The following UST variants were observed in gnomAD, a reference collection of about 807,000 sequenced individuals.
The protein encoded by UST is chondroitin sulfate 2-O-sulfotransferase.
Under a neutral mutation model 45.6 loss-of-function variants are expected in UST, and 21 were observed. The ratio of observed to expected loss-of-function variants is 0.46; its 90% CI spans 0.33 to 0.66. The LOEUF (loss-of-function observed/expected upper bound fraction) is 0.66. Ranked by LOEUF, UST falls within the 30% of genes least tolerant of loss-of-function variation. The probability of loss-of-function intolerance (pLI) is 0.02; values close to 1 mark genes in which losing one functional copy is unlikely to be tolerated. For missense variants in UST, 463 were observed against 512.4 expected, an observed-to-expected ratio of 0.90 and a Z score of 0.93; for synonymous variants, 215 against 200.6, an observed-to-expected ratio of 1.07 and a Z score of -0.61.
chr6:148,992,273 G>A (rs1781368843), intron 5 of UST, among the ~76,000 whole-genome samples: 1 of 152,178 alleles, frequency 6.6e-6, no homozygotes, highest in Non-Finnish European at 1.5e-5. Context: ...GAGAGGCCGA[G>A]GCGGGCAGAT....
intron 1 of UST, among the ~76,000 whole-genome samples, chr6:148,830,946 A>G (rs1777672914): frequency 6.6e-6 from 1 of 152,088 alleles, no homozygotes; most frequent in Admixed American, 6.6e-5. Context: ...AAAAATGGTA[A>G]ATTATATATG....
intron 2 of UST, among the ~76,000 whole-genome samples, chr6:148,922,998 G>A (rs891182884): frequency 2.0e-5 from 3 of 151,782 alleles, no homozygotes; most frequent in African/African-American, 4.8e-5. Flanking sequence ...TCACCGTGTT[G>A]GCCAGGCTGG....
intron 1 of UST, among the ~76,000 whole-genome samples, chr6:148,875,704 C>T (rs576893582): frequency 3.9e-5 from 6 of 152,202 alleles, no homozygotes; most frequent in Admixed American, 1.3e-4. Context: ...CTCGGGAGGC[C>T]GAGGCAGGAG....
chr6:148,999,058 A>G (rs1266581565), intron 5 of UST, among the ~76,000 whole-genome samples: 1 of 152,242 alleles, frequency 6.6e-6, no homozygotes, highest in Non-Finnish European at 1.5e-5. Flanking sequence ...TCCAGCAGGG[A>G]GTAGTTTATA....
chr6:148,929,997 A>G lies in UST; in HGVS notation c.292-11282A>G, dbSNP rs115003542. 7.4e-3 allele frequency among the ~76,000 whole-genome samples: 1,124 copies of G among 152,286 alleles called. 13 individuals are homozygous for G. The highest frequency in any genetic ancestry group is 0.026 in the African/African-American group (1,069 of 41,562). ...GGCTAGAAAGTTTCTTATTAATGCA[A>G]ATCAATAAGAATTGGGTAGGTGTAC... On this transcript the variant is annotated intron_variant, in intron 2 of 7. Coordinates refer to ENST00000367463, the MANE Select transcript of UST (RefSeq NM_005715.3).
intron 1 of UST, among the ~76,000 whole-genome samples, chr6:148,800,486 A>T (rs753749417): frequency 9.2e-5 from 14 of 152,064 alleles, no homozygotes; most frequent in Non-Finnish European, 1.5e-4. Context: ...TCTGGCTTTG[A>T]GTTTGAGTTG....
intron 4 of UST, among the ~76,000 whole-genome samples, chr6:148,954,617 C>T (rs531580093): frequency 5.3e-5 from 8 of 152,212 alleles, no homozygotes; most frequent in Non-Finnish European, 8.8e-5. Flanking sequence ...CGCAGTAGGC[C>T]GTGCCATCGA....
chr6:149,058,821 G>A (rs1776609946), intron 7 of UST, among the ~76,000 whole-genome samples: 1 of 152,124 alleles, frequency 6.6e-6, no homozygotes, highest in African/African-American at 2.4e-5. Context: ...TTGTTGTTGT[G>A]AAAATAAATC....
At chr6:148,868,530 T>C (rs1339583302) in intron 1 of UST, among the ~76,000 whole-genome samples, 1 of 152,198 alleles carries the variant, frequency 6.6e-6, no homozygotes, top group Non-Finnish European at 1.5e-5. Flanking sequence ...AGCCAGGCTT[T>C]TAGAAGGGAT....
chr6:148,905,672 A>T (rs1415568350), intron 2 of UST, among the ~76,000 whole-genome samples: 1 of 152,242 alleles, frequency 6.6e-6, no homozygotes, highest in Non-Finnish European at 1.5e-5. Context: ...GAAGGAGCCA[A>T]GTGGAAAACA....
rs150250587 is a variant in UST, at chr6:148,903,831, A to C, written c.291+16802A>C. 6.0e-3 allele frequency among the ~76,000 whole-genome samples: 920 copies of C among 152,308 alleles called. 9 individuals carry two copies. The highest frequency in any genetic ancestry group is 0.021 in the African/African-American group (863 of 41,546). ...GTAATGTAGGGGCTTCCTCCCAGGA[A>C]AATACTGCAGCCCAAAGAGGCTGTC... On this transcript the variant is annotated intron_variant, in intron 2 of 7. Coordinates refer to ENST00000367463, the MANE Select transcript of UST (RefSeq NM_005715.3).
At chr6:148,967,681 CG>C in intron 5 of UST, among the ~76,000 whole-genome samples, 1 of 152,312 alleles carries the variant, frequency 6.6e-6, no homozygotes, top group East Asian at 1.9e-4. Context: ...CCCCTCCCCT[CG>C]GAGGCCCTTC....
intron 5 of UST, among the ~76,000 whole-genome samples, chr6:148,968,033 G>C (rs1780837905): frequency 6.6e-6 from 1 of 152,192 alleles, no homozygotes. Flanking sequence ...AACGGGCCTG[G>C]GATTCGGGGT....
intron 5 of UST, among the ~76,000 whole-genome samples, chr6:148,971,183 C>T (rs1018226668): frequency 1.3e-4 from 20 of 151,636 alleles, no homozygotes; most frequent in Admixed American, 1.3e-3. Flanking sequence ...CAAACCATGG[C>T]TTTCCTGGCC....
intron 2 of UST, among the ~76,000 whole-genome samples, chr6:148,918,269 C>G (rs1779627725): frequency 6.6e-6 from 1 of 152,184 alleles, no homozygotes. Flanking sequence ...ATACCATTTC[C>G]ATGTAAAAAG....
At chr6:148,878,741 T>TG (rs1336568663) in intron 1 of UST, among the ~76,000 whole-genome samples, 1 of 91,498 alleles carries the variant, frequency 1.1e-5, no homozygotes, top group Non-Finnish European at 2.1e-5. Context: ...CATGTATGAG[T>TG]CGGGGGTTCA....
At chr6:148,784,931 C>T (rs1347565759) in intron 1 of UST, among the ~76,000 whole-genome samples, 3 of 152,148 alleles carry the variant, frequency 2.0e-5, no homozygotes, top group Non-Finnish European at 4.4e-5. Flanking sequence ...TATATGTGGC[C>T]GGGCGCAGTG....
intron 7 of UST, among the ~76,000 whole-genome samples, chr6:149,045,944 T>C (rs1776388792): frequency 6.6e-6 from 1 of 152,178 alleles, no homozygotes; most frequent in Non-Finnish European, 1.5e-5. Context: ...ATGTTCTAGA[T>C]ATTTTCCCAG....
chr6:148,942,357 A>G (rs1417062611), intron 3 of UST, among the ~76,000 whole-genome samples: 1 of 152,060 alleles, frequency 6.6e-6, no homozygotes, highest in Non-Finnish European at 1.5e-5. Flanking sequence ...CAGGATTGAG[A>G]CTATCCTGGC....
Sources: gnomAD v4.1 joint callset for allele counts (sites outside exome capture counted in the v4.1 genomes callset) on GRCh38, gnomAD v4.1.1 for gene constraint, MANE v1.5 for transcripts, NCBI Gene and HGNC (gene_info 2026-07-23, HGNC 2026-07-21) for gene names.